Variants in SETD1B observed in about 807,000 individuals in gnomAD.
The protein encoded by SETD1B is histone-lysine N-methyltransferase SETD1B.
Under a neutral mutation model 148.0 loss-of-function variants are expected in SETD1B, and 7 were observed. That is an observed-to-expected ratio of 0.05 (90% CI 0.03 to 0.09). The LOEUF (loss-of-function observed/expected upper bound fraction) is 0.09. Ranked by LOEUF, SETD1B falls within the 10% of genes least tolerant of loss-of-function variation. The pLI, the probability that SETD1B is intolerant of heterozygous loss-of-function variation, is 1.00. For missense variants in SETD1B, 2,155 were observed against 2,729.9 expected (o/e 0.79, Z 4.69); for synonymous variants, 1,361 against 1,186.5 (o/e 1.15, Z -3.02).
the SETD1B span, chr12:121,795,874 C>T: frequency 6.5e-6 from 1 of 152,678 alleles, no homozygotes; most frequent in African/African-American, 2.4e-5. Context: ...TATGACAGCA[C>T]AAGCTTGCAC....
rs1467106518 is a variant in SETD1B at position 121,823,616 on chromosome 12, C to A, written c.5037C>A (p.Thr1679=). 1 of 1,551,400 alleles carries A rather than the reference C, an allele frequency of 6.4e-7. No homozygotes were observed. The highest frequency in any genetic ancestry group is 1.4e-5 in the African/African-American group (1 of 73,044). Residue 1679 remains threonine, a synonymous_variant, in exon 12 of 17, where the codon ACC becomes ACA. Coordinates refer to ENST00000604567, the MANE Select transcript of SETD1B (RefSeq NM_001353345.2). The part of the protein sequence containing the change: ...FRPRSEFEEM[T]ILYDIWNGGI... ...CCCGCTCGGAGTTTGAGGAGATGAC[C>A]ATCCTGTATGACATCTGGAACGGTG...
chr12:121,822,337 G>A (rs1477746372), intron 11 of SETD1B, among the ~76,000 whole-genome samples, 153 bp from the exon 12 acceptor site: 2 of 152,288 alleles, frequency 1.3e-5, no homozygotes, highest in African/African-American at 2.4e-5. Context: ...TGGGTTGGGC[G>A]CTGAGGAGTC....
rs541562313 is a variant in SETD1B at position 121,817,542 on chromosome 12, A to G, written c.3150A>G (p.Ser1050=). 7.7e-6 allele frequency: 12 copies of G among 1,551,562 alleles called. No individual in the cohort carries two copies. In the East Asian group the frequency reaches 1.7e-4, roughly 22 times the overall value. Reference sequence around the variant, plus strand: ...CGGCGTCCTCGTCCTCATCCGCGTCATCATCCTCGGGGTCCTCAACCACCT... The same window carrying G: ...CGGCGTCCTCGTCCTCATCCGCGTCGTCATCCTCGGGGTCCTCAACCACCT... The part of the protein sequence containing the change: ...SLSASSSSSA[S]SSSGSSTTSP... Residue 1050 remains serine (S), a synonymous_variant, in exon 9 of 17, where the codon TCA becomes TCG. Transcript: ENST00000604567. The surrounding 1 kb of genome is among the most constrained non-coding windows in gnomAD (Gnocchi z 8.1).
rs1320207889 is a variant in SETD1B at position 121,805,309 on chromosome 12, G to A, written c.273+93G>A. ...CTGACCGAGCCCAGCCGGATTCCCAGTTCCCGCCGTCCGGGGCCAGGGAAG... is the reference window on the plus strand; with the variant it reads ...CTGACCGAGCCCAGCCGGATTCCCAATTCCCGCCGTCCGGGGCCAGGGAAG... On this transcript the variant is annotated intron_variant, in intron 3 of 16. Transcript: ENST00000604567. This position sits in a 1 kb window ranked among gnomAD's most constrained non-coding sequence, Gnocchi z 4.2. 4 of 1,096,614 alleles carry A rather than the reference G, an allele frequency of 3.6e-6. No homozygotes were observed. The highest frequency in any genetic ancestry group is 4.0e-6 in the Non-Finnish European group (3 of 755,510). The allele number at this position is 1,096,614 out of a possible 1,614,324, so 67.9% of individuals were successfully genotyped here.
chr12:121,822,998 C>T lies in SETD1B; in HGVS notation c.4419C>T (p.Pro1473=), dbSNP rs1482083164. ...CGGTGCTCCTGGAGACGGGCCTGCC[C>T]CTCCCTCTGCCCCTTCCCCTGCCCT... is the stretch of plus-strand genomic sequence containing the variant. ...ASPVLLETGL[P]LPLPLPLPLP... The change falls in exon 12 of 17, where the codon CCC becomes CCT. Residue 1473 remains proline, a synonymous_variant. Transcript: ENST00000604567. 2.6e-6 allele frequency: 4 copies of T among 1,529,000 alleles called. No homozygotes were observed. The highest frequency in any genetic ancestry group is 3.5e-6 in the Non-Finnish European group (4 of 1,139,706). 94.7% of individuals were successfully genotyped at this position (1,529,000 alleles called of 1,614,324 possible). A position where few individuals can be genotyped will look rare whatever the true frequency, so the allele number is the denominator to read the frequency against.
intron 16 of SETD1B, among the ~76,000 whole-genome samples, chr12:121,828,287 T>C (rs1041927158): frequency 6.6e-6 from 1 of 152,268 alleles, no homozygotes; most frequent in Non-Finnish European, 1.5e-5. Flanking sequence ...ATGGGCATAG[T>C]GAGACTTCTG....
intron 11 of SETD1B, among the ~76,000 whole-genome samples, chr12:121,821,678 G>A (rs1269485597): frequency 6.6e-6 from 1 of 152,006 alleles, no homozygotes; most frequent in Non-Finnish European, 1.5e-5. Context: ...TTGAACCTGG[G>A]AGGAGGAGGT....
Position 121,805,977 on chromosome 12 carries a change from A to C in SETD1B, c.416A>C (p.Lys139Thr). ...GAGGTGGAGATTTTGTACAACCCCAAGACCAAGAAGCACCTGGGCATCGCC... is the reference window on the plus strand; with the variant it reads ...GAGGTGGAGATTTTGTACAACCCCACGACCAAGAAGCACCTGGGCATCGCC... ...VEEVEILYNP[K>T]TKKHLGIAKV... is the part of the protein sequence containing the mutation. Residue 139 changes from lysine (K) to threonine (T), a missense_variant, in exon 4 of 17, where the codon AAG becomes ACG. Coordinates refer to ENST00000604567, the MANE Select transcript of SETD1B (RefSeq NM_001353345.2). This position sits in a 1 kb window ranked among gnomAD's most constrained non-coding sequence, Gnocchi z 4.2. The C allele has an allele frequency of 6.4e-7, 1 of 1,551,670 alleles. No individual in the cohort carries two copies.
At chr12:121,811,313 C>T (rs555825201) in intron 6 of SETD1B, among the ~76,000 whole-genome samples, 1 of 151,950 alleles carries the variant, frequency 6.6e-6, no homozygotes, top group African/African-American at 2.4e-5. Context: ...GGTGAAGCCC[C>T]GGAGCATTGT....
intron 12 of SETD1B, among the ~76,000 whole-genome samples, 168 bp from the exon 13 acceptor site, chr12:121,825,032 C>T (rs528742617): frequency 7.3e-5 from 11 of 151,310 alleles, no homozygotes; most frequent in African/African-American, 1.2e-4. Context: ...AGGTATTGAC[C>T]GTCAGCAGGG....
Position 121,811,057 on chromosome 12 carries a change from G to A in SETD1B, c.1890+222G>A, listed in dbSNP as rs1345535236. Among the ~76,000 whole-genome samples the A allele has an allele frequency of 2.0e-5, 3 of 152,380 alleles. No individual in the cohort carries two copies. The East Asian group carries it at 5.8e-4, about 29-fold the overall frequency. On this transcript the variant is annotated intron_variant, in intron 6 of 16. Coordinates refer to ENST00000604567, the MANE Select transcript of SETD1B (RefSeq NM_001353345.2). ...CAATGAGCTCCCTAGCAGCCGTGGAGAGAAGGAAAGCATGGCCTAGTTCTG... is the reference window on the plus strand; with the variant it reads ...CAATGAGCTCCCTAGCAGCCGTGGAAAGAAGGAAAGCATGGCCTAGTTCTG...
chr12:121,798,252 C>G, the SETD1B span, among the ~76,000 whole-genome samples: 3 of 152,360 alleles, frequency 2.0e-5, no homozygotes, highest in African/African-American at 7.2e-5. Flanking sequence ...TTGACCCCAT[C>G]ATGGAACAGC....
Position 121,818,149 on chromosome 12 carries a change from G to C in SETD1B, c.3418+245G>C, listed in dbSNP as rs1443655688. 3.9e-5 allele frequency among the ~76,000 whole-genome samples: 6 copies of C among 152,176 alleles called. No homozygotes were observed. The South Asian group carries it at 6.2e-4, about 16-fold the overall frequency. ...TAGGGCTGGGGAGCCCGGTGTTCAGGGGGGCTTGCTCAGCCTACATGGCTT... is the reference window on the plus strand; with the variant it reads ...TAGGGCTGGGGAGCCCGGTGTTCAGCGGGGCTTGCTCAGCCTACATGGCTT... On this transcript the variant is annotated intron_variant, in intron 10 of 16. Transcript: ENST00000604567.
upstream of SETD1B, chr12:121,799,276 A>AG (rs1361648858): frequency 6.6e-6 from 1 of 152,262 alleles, no homozygotes; most frequent in Non-Finnish European, 1.5e-5. Context: ...GTCTGGTTCT[A>AG]GAAACAAGGC....
At chr12:121,801,563 C>T (rs923211686), upstream of SETD1B, 7 of 152,772 alleles carry the variant, frequency 4.6e-5, no homozygotes, top group Admixed American at 3.3e-4. Flanking sequence ...TTTTATCTTT[C>T]TTACTTACCC....
chr12:121,791,703 C>G, the SETD1B span, among the ~76,000 whole-genome samples: 1 of 152,234 alleles, frequency 6.6e-6, no homozygotes, highest in East Asian at 1.9e-4. Flanking sequence ...AAGGCCATCC[C>G]TGTTCTTATG....
At chr12:121,796,899 G>A in the SETD1B span, among the ~76,000 whole-genome samples, 3 of 152,146 alleles carry the variant, frequency 2.0e-5, no homozygotes, top group Non-Finnish European at 4.4e-5. Flanking sequence ...TTATCCGGGC[G>A]TGGTGGCACA....
chr12:121,810,023 A>G lies in SETD1B; in HGVS notation c.1078A>G (p.Thr360Ala). ...SDLPFGAVGG[T>A]GGSSGPPFKA... ...CCTCCCGTTCGGAGCAGTCGGCGGC[A>G]CTGGGGGCAGCAGCGGTCCCCCGTT... The change falls in exon 6 of 17, where the codon ACT becomes GCT. Residue 360 changes from threonine (T) to alanine (A), a missense_variant. Thr to Ala is a moderately conservative substitution (Grantham distance 58). Transcript: ENST00000604567. This position sits in a 1 kb window ranked among gnomAD's most constrained non-coding sequence, Gnocchi z 7.6. 2 of 1,550,466 alleles carry G rather than the reference A, an allele frequency of 1.3e-6. No individual in the cohort carries two copies. The highest frequency in any genetic ancestry group is 1.7e-6 in the Non-Finnish European group (2 of 1,146,926).
In SETD1B at chr12:121,810,920, A is replaced by C; in HGVS notation, c.1890+85A>C. ...CCCCCTTCAAGCATTTAGCATGACTAGCTAAGATGCGGAAGCAATGGGGCT... is the reference window on the plus strand; with the variant it reads ...CCCCCTTCAAGCATTTAGCATGACTCGCTAAGATGCGGAAGCAATGGGGCT... On this transcript the variant is annotated intron_variant, in intron 6 of 16. Coordinates refer to ENST00000604567, the MANE Select transcript of SETD1B (RefSeq NM_001353345.2). This position sits in a 1 kb window ranked among gnomAD's most constrained non-coding sequence, Gnocchi z 7.6. The C allele has an allele frequency of 1.4e-6, 2 of 1,412,584 alleles. No individual in the cohort carries two copies. Among genetic ancestry groups the C allele is most frequent in the South Asian group, 3.1e-5 (2 of 64,752 alleles). The allele number at this position is 1,412,584 out of a possible 1,614,324, so 87.5% of individuals were successfully genotyped here.
Sources: gnomAD v4.1 joint callset for allele counts (sites outside exome capture counted in the v4.1 genomes callset) on GRCh38, gnomAD v4.1.1 for gene constraint, Gnocchi (gnomAD v3.1) non-coding constraint, MANE v1.5 for transcripts, NCBI Gene and HGNC (gene_info 2026-07-23, HGNC 2026-07-21) for gene names.